The following LARS1 variants were observed in gnomAD, a reference collection of about 807,000 sequenced individuals.
LARS1 encodes the protein leucyl-tRNA synthetase 1, also known as leucine--tRNA ligase, cytoplasmic.
A neutral mutation model predicts 162.8 loss-of-function variants in LARS1; 100 were observed. The ratio of observed to expected loss-of-function variants is 0.61; its 90% CI spans 0.52 to 0.73. The LOEUF (loss-of-function observed/expected upper bound fraction) is 0.73, where lower values mean the gene tolerates loss of function less well. Ranked by LOEUF, LARS1 falls within the 30% of genes least tolerant of loss-of-function variation. The pLI, the probability that LARS1 is intolerant of heterozygous loss-of-function variation, is 0.00. For missense variants in LARS1, 1,258 were observed against 1,408.9 expected (o/e 0.89, Z 1.71); for synonymous variants, 457 against 462.8 (o/e 0.99, Z 0.16).
chr5:146,174,469 TATATATATATATATCC>T (rs1352412326), intron 2 of LARS1, among the ~76,000 whole-genome samples: 4 of 6,816 alleles, frequency 5.9e-4, no homozygotes, highest in African/African-American at 1.3e-3. Context: ...TATATCCATA[TATATATATATATATCC>T]ATATATATAT....
At chr5:146,155,488 G>A (rs1037565973) in intron 10 of LARS1, among the ~76,000 whole-genome samples, 7 of 152,148 alleles carry the variant, frequency 4.6e-5, no homozygotes, top group Non-Finnish European at 1.0e-4. Context: ...TAAAAGGATA[G>A]TTCTAATTTC....
At position 146,146,362 on chromosome 5, in the gene LARS1, A is replaced by AAG. The variant is rs70998059; in HGVS notation, c.1504-1655_1504-1654dup. 7.4e-3 allele frequency among the ~76,000 whole-genome samples: 1,055 copies of AAG among 142,860 alleles called. 12 individuals carry two copies. The highest frequency in any genetic ancestry group is 0.025 in the African/African-American group (997 of 39,244). The allele number at this position is 142,860 out of a possible 152,430, so 93.7% of individuals were successfully genotyped here. A position where few individuals can be genotyped will look rare whatever the true frequency, so the allele number is the denominator to read the frequency against. On this transcript the variant is annotated intron_variant, in intron 15 of 31. Coordinates refer to ENST00000394434, the MANE Select transcript of LARS1 (RefSeq NM_020117.11). ...CCGAAAAAAAAAAAAAAAGAAAGAG[A>AAG]AGAGAGAGAGAGAGAGATAAGGTGA...
chr5:146,115,038 G>C (rs72820471), intron 31 of LARS1, among the ~76,000 whole-genome samples: 3,858 of 126,046 alleles, frequency 0.031, 72 homozygotes, highest in Non-Finnish European at 0.041. Context: ...GCAAGATTCT[G>C]TCGGGGGGAA....
chr5:146,162,063 C>T (rs1171603779), intron 6 of LARS1, among the ~76,000 whole-genome samples: 1 of 152,182 alleles, frequency 6.6e-6, no homozygotes, highest in Non-Finnish European at 1.5e-5. Context: ...AACCTTTCAA[C>T]GTCATCCATA....
At chr5:146,155,201 G>A (rs1753467282) in intron 10 of LARS1, among the ~76,000 whole-genome samples, 1 of 152,134 alleles carries the variant, frequency 6.6e-6, no homozygotes, top group Admixed American at 6.5e-5. Flanking sequence ...TCAATATTAT[G>A]ACATGAGTAC....
intron 1 of LARS1, 28 bp from the exon 2 acceptor site, chr5:146,177,693 T>A (rs1754659928): frequency 8.2e-7 from 1 of 1,223,878 alleles, no homozygotes; most frequent in Non-Finnish European, 1.2e-6. Context: ...AATAATCCAC[T>A]CTGTATTTCA....
At chr5:146,171,539 T>C (rs1331930279) in intron 4 of LARS1, among the ~76,000 whole-genome samples, 1 of 152,164 alleles carries the variant, frequency 6.6e-6, no homozygotes. Flanking sequence ...GCAAAAATGA[T>C]CAAAATACAA....
chr5:146,122,496 A>G lies in LARS1; in HGVS notation c.3188T>C (p.Ile1063Thr), dbSNP rs181386215. 7.0e-6 allele frequency: 11 copies of G among 1,570,772 alleles called. No homozygotes were observed. In the East Asian group the frequency reaches 2.5e-4, roughly 35 times the overall value. ...AGTGAGATTCCTTCAACTTACTTCT[A>G]TTCTAAAAACATTAAGTGGTTTCCC... is the stretch of plus-strand genomic sequence containing the variant. Reference protein sequence around the residue: ...CPGKPLNVFRIEPGVSVSLVN... With the variant: ...CPGKPLNVFRTEPGVSVSLVN... The change falls in exon 30 of 32, where the codon ATA (isoleucine) becomes ACA (threonine). Residue 1063 changes from isoleucine to threonine, a missense_variant. Transcript: ENST00000394434.
At chr5:146,169,731 T>C (rs2126575182) in intron 4 of LARS1, among the ~76,000 whole-genome samples, 1 of 152,146 alleles carries the variant, frequency 6.6e-6, no homozygotes, top group African/African-American at 2.4e-5. Flanking sequence ...GTATTTTTAG[T>C]AGAGATGGGG....
chr5:146,168,116 C>T lies in LARS1; in HGVS notation c.432+12G>A. On this transcript the variant is annotated intron_variant, in intron 5 of 31. Transcript: ENST00000394434. ...AAACTTCAACCAACATAAATATCAA[C>T]CACTATCAAACCTTTTTTCCTTTAG... 6.3e-7 allele frequency: 1 copy of T among 1,586,046 alleles called. No homozygotes were observed. The highest frequency in any genetic ancestry group is 8.6e-7 in the Non-Finnish European group (1 of 1,161,750).
At chr5:146,116,583 G>C (rs1764224608) in intron 31 of LARS1, among the ~76,000 whole-genome samples, 1 of 152,162 alleles carries the variant, frequency 6.6e-6, no homozygotes, top group Admixed American at 6.5e-5. Flanking sequence ...TCTTATCATT[G>C]AAACTGTTGA....
At chr5:146,158,940 C>G (rs1282606093) in intron 8 of LARS1, among the ~76,000 whole-genome samples, 3 of 151,980 alleles carry the variant, frequency 2.0e-5, no homozygotes, top group Middle Eastern at 3.4e-3. Context: ...ACTAAAAATA[C>G]AAAAAATTAG....
At chr5:146,129,411 T>G (rs954863577) in intron 25 of LARS1, among the ~76,000 whole-genome samples, 1 of 152,162 alleles carries the variant, frequency 6.6e-6, no homozygotes, top group Non-Finnish European at 1.5e-5. Context: ...TTGCCTAAAT[T>G]TAATCATTAT....
chr5:146,176,458 A>G (rs1186611762), intron 2 of LARS1, among the ~76,000 whole-genome samples: 4 of 151,648 alleles, frequency 2.6e-5, no homozygotes, highest in Admixed American at 6.6e-5. Context: ...CAAAAAAAAA[A>G]AAAAAAAAAG....
rs1276102810 is a variant in LARS1 at position 146,157,366 on chromosome 5, T to G, written c.1065+37A>C. On this transcript the variant is annotated intron_variant, in intron 10 of 31. Transcript: ENST00000394434. ...TCATTGTTGAAATTTTCCTTGAAAT[T>G]TACGCATTAAAATAAAAAATCTGCT... is the stretch of plus-strand genomic sequence containing the variant. 6 of 1,553,120 alleles carry G rather than the reference T, an allele frequency of 3.9e-6. No homozygotes were observed. In the South Asian group the frequency reaches 4.5e-5, roughly 12 times the overall value.
At chr5:146,181,848 C>CTATTTTTTTT (rs1754863568) in intron 1 of LARS1, among the ~76,000 whole-genome samples, 1 of 53,030 alleles carries the variant, frequency 1.9e-5, no homozygotes, top group Non-Finnish European at 3.3e-5. Context: ...TCAATTTTTT[C>CTATTTTTTTT]TTTTTTTTTT....
intron 23 of LARS1, 71 bp downstream of exon 23, chr5:146,132,812 AAAAAGAAAAGAAAAG>A: frequency 1.9e-6 from 2 of 1,025,942 alleles, no homozygotes; most frequent in South Asian, 1.8e-5. Flanking sequence ...ATTAAAAAAA[AAAAAGAAAAGAAAAG>A]AAAAAGAAAA....
rs1478173232 is a variant in LARS1, at chr5:146,182,624, G to C, written c.-131C>G. The C allele has an allele frequency of 8.2e-7, 1 of 1,225,256 alleles. No homozygotes were observed. The highest frequency in any genetic ancestry group is 1.2e-6 in the Non-Finnish European group (1 of 836,232). 75.9% of individuals were successfully genotyped at this position (1,225,256 alleles called of 1,614,324 possible). A position where few individuals can be genotyped will look rare whatever the true frequency, so the allele number is the denominator to read the frequency against. ...AAACTAAAGCACACGCTTCACACCTGCTGAGGCAATCATCCGGCTCCTTAC... is the reference window on the plus strand; with the variant it reads ...AAACTAAAGCACACGCTTCACACCTCCTGAGGCAATCATCCGGCTCCTTAC... On this transcript the variant is annotated 5_prime_UTR_variant, in exon 1 of 32. Transcript: ENST00000394434.
chr5:146,114,231 T>G lies in LARS1; in HGVS notation c.3406A>C (p.Thr1136Pro). 1 of 1,613,986 alleles carries G rather than the reference T, an allele frequency of 6.2e-7. No homozygotes were observed. The highest frequency in any genetic ancestry group is 1.1e-5 in the South Asian group (1 of 91,046). The change falls in exon 32 of 32, where the codon ACC becomes CCC. Residue 1136 changes from threonine (T) to proline (P), a missense_variant. Thr to Pro is a conservative substitution (Grantham distance 38, BLOSUM62 -1). Transcript: ENST00000394434. Reference protein sequence around the residue: ...RRVPVLGKEYTEKTPISEHAV... With the variant: ...RRVPVLGKEYPEKTPISEHAV... ...TGCTCAGAAATGGGGGTCTTCTCGG[T>G]GTACTCCTTTCCCAGGACAGGAACT... is the stretch of plus-strand genomic sequence containing the variant.
Sources: gnomAD v4.1 joint callset for allele counts (sites outside exome capture counted in the v4.1 genomes callset) on GRCh38, gnomAD v4.1.1 for gene constraint, MANE v1.5 for transcripts, NCBI Gene and HGNC (gene_info 2026-07-23, HGNC 2026-07-21) for gene names.